SH3RF3: variants seen among roughly 807,000 people sequenced by gnomAD.
SH3RF3 encodes the protein SH3 domain containing ring finger 3, also known as E3 ubiquitin-protein ligase SH3RF3.
Under a neutral mutation model 66.3 loss-of-function variants are expected in SH3RF3, and 29 were observed. That is an observed-to-expected ratio of 0.44 (90% CI 0.33 to 0.60). The LOEUF (loss-of-function observed/expected upper bound fraction) is 0.60. Ranked by LOEUF, SH3RF3 falls within the 20% of genes least tolerant of loss-of-function variation. SH3RF3 has a pLI of 0.04. For synonymous variants in SH3RF3, 583 were observed against 532.0 expected, an observed-to-expected ratio of 1.10 and a Z score of -1.32; for missense variants, 1,194 against 1,190.9, an observed-to-expected ratio of 1.00 and a Z score of -0.04.
rs1679151425 is a variant in SH3RF3, at chr2:109,218,405, CTT to C, written c.573+88294_573+88295del. On this transcript the variant is annotated intron_variant, in intron 1 of 9. Transcript: ENST00000309415. ...CTGGATGAAATGTTCTAGAAACAGT[CTT>C]TGAGTGAAAATGTTATGCTTAACAA... 4.6e-5 allele frequency among the ~76,000 whole-genome samples: 7 copies of C among 152,136 alleles called. No homozygotes were observed. The South Asian group carries it at 1.5e-3, about 32-fold the overall frequency.
At chr2:109,325,220 A>G (rs900657023) in intron 1 of SH3RF3, among the ~76,000 whole-genome samples, 1 of 151,560 alleles carries the variant, frequency 6.6e-6, no homozygotes, top group Non-Finnish European at 1.5e-5. Context: ...TCCAGCTGGC[A>G]TGGCTGGAGT....
At position 109,427,071 on chromosome 2, in the gene SH3RF3, C is replaced by T. The variant is rs955373300; in HGVS notation, c.1404-5430C>T. ...GGAACCTTCGCCTCCTGGGTTCAAG[C>T]GATTCTCTGGCCCTAGCCTCCCTAG... On this transcript the variant is annotated intron_variant, in intron 5 of 9. Transcript: ENST00000309415. 9.2e-5 allele frequency among the ~76,000 whole-genome samples: 14 copies of T among 152,226 alleles called. No individual in the cohort carries two copies. The East Asian group carries it at 1.9e-3, about 21-fold the overall frequency.
chr2:109,245,190 C>T (rs944637531), intron 1 of SH3RF3, among the ~76,000 whole-genome samples: 1 of 152,274 alleles, frequency 6.6e-6, no homozygotes, highest in Admixed American at 6.5e-5. Flanking sequence ...GGCTTCTGTG[C>T]TCCTGGTGAA....
chr2:109,130,212 G>C, intron 1 of SH3RF3, 99 bp downstream of exon 1: 1 of 1,141,730 alleles, frequency 8.8e-7, no homozygotes, highest in Non-Finnish European at 1.1e-6. Flanking sequence ...GGAGACCACG[G>C]GTGGTCCTGC....
chr2:109,385,816 A>G (rs986865750), intron 3 of SH3RF3, among the ~76,000 whole-genome samples: 1 of 152,256 alleles, frequency 6.6e-6, no homozygotes, highest in African/African-American at 2.4e-5. Context: ...CCAGAAACAA[A>G]AAAAATAAAC....
chr2:109,272,515 A>G (rs1680650311), intron 1 of SH3RF3, among the ~76,000 whole-genome samples: 1 of 152,180 alleles, frequency 6.6e-6, no homozygotes, highest in Non-Finnish European at 1.5e-5. Flanking sequence ...TGCTGCACTC[A>G]CAGGGGCCGA....
intron 1 of SH3RF3, among the ~76,000 whole-genome samples, chr2:109,274,919 A>G (rs1353065010): frequency 6.6e-6 from 1 of 151,778 alleles, no homozygotes; most frequent in East Asian, 1.9e-4. Flanking sequence ...AACATTGTGA[A>G]TGTAGTAAAT....
chr2:109,215,307 A>G (rs977893633), intron 1 of SH3RF3, among the ~76,000 whole-genome samples: 5 of 152,230 alleles, frequency 3.3e-5, no homozygotes, highest in African/African-American at 9.6e-5. Flanking sequence ...ATAAGTCTTC[A>G]TTATACAATT....
intron 4 of SH3RF3, among the ~76,000 whole-genome samples, chr2:109,418,828 C>T (rs1676794402): frequency 6.6e-6 from 1 of 152,178 alleles, no homozygotes; most frequent in South Asian, 2.1e-4. Flanking sequence ...CAAGCTGGGT[C>T]GTAGGGGGAC....
rs150289383 is a variant in SH3RF3 at position 109,497,193 on chromosome 2, T to C, written c.2481-4310T>C. On this transcript the variant is annotated intron_variant, in intron 9 of 9. Coordinates refer to ENST00000309415, the MANE Select transcript of SH3RF3 (RefSeq NM_001099289.3). Reference sequence around the variant, plus strand: ...TAAACAACTAATATGTGTGTTGATATTACAGTTTAGTGTCCAGGGTATAGA... The same window carrying C: ...TAAACAACTAATATGTGTGTTGATACTACAGTTTAGTGTCCAGGGTATAGA... 1.3e-4 allele frequency among the ~76,000 whole-genome samples: 20 copies of C among 152,328 alleles called. No homozygotes were observed. The East Asian group carries it at 3.9e-3, about 29-fold the overall frequency.
intron 1 of SH3RF3, among the ~76,000 whole-genome samples, chr2:109,337,212 T>C (rs572029609): frequency 3.1e-4 from 47 of 152,292 alleles, no homozygotes; most frequent in African/African-American, 1.1e-3. Flanking sequence ...TTTAAAGATT[T>C]GTAAAAGCCT....
At chr2:109,488,504 CT>C (rs974887173) in intron 8 of SH3RF3, among the ~76,000 whole-genome samples, 11 of 152,326 alleles carry the variant, frequency 7.2e-5, no homozygotes, top group African/African-American at 2.4e-4. Context: ...ATCCCCAGGC[CT>C]TATGCCCTGC....
chr2:109,138,169 C>T (rs1676856774), intron 1 of SH3RF3, among the ~76,000 whole-genome samples: 1 of 152,174 alleles, frequency 6.6e-6, no homozygotes, highest in Non-Finnish European at 1.5e-5. Flanking sequence ...GCGAGCACCA[C>T]CACGCCCGGC....
At chr2:109,324,899 T>C (rs1430540692) in intron 1 of SH3RF3, among the ~76,000 whole-genome samples, 1 of 152,214 alleles carries the variant, frequency 6.6e-6, no homozygotes, top group Admixed American at 6.5e-5. Flanking sequence ...ACGGTGGAGC[T>C]GTCGCTTCCC....
intron 8 of SH3RF3, among the ~76,000 whole-genome samples, chr2:109,469,460 C>T (rs1429280320): frequency 6.6e-6 from 1 of 152,176 alleles, no homozygotes; most frequent in East Asian, 1.9e-4. Context: ...ACAGTAATGC[C>T]TGTTGTGCAG....
intron 9 of SH3RF3, among the ~76,000 whole-genome samples, chr2:109,493,884 CCTT>C (rs1679192233): frequency 6.6e-6 from 1 of 152,270 alleles, no homozygotes; most frequent in South Asian, 2.1e-4. Flanking sequence ...CACACACCCA[CCTT>C]CTCTTTCCTT....
At chr2:109,458,943 A>G (rs1314010754) in intron 8 of SH3RF3, among the ~76,000 whole-genome samples, 1 of 152,146 alleles carries the variant, frequency 6.6e-6, no homozygotes, top group East Asian at 1.9e-4. Context: ...ACTCACCATC[A>G]CCGTCCATCC....
chr2:109,169,417 G>T (rs1221288137), intron 1 of SH3RF3, among the ~76,000 whole-genome samples: 1 of 152,096 alleles, frequency 6.6e-6, no homozygotes, highest in Non-Finnish European at 1.5e-5. Flanking sequence ...TGCTGTGCTG[G>T]TGAAGAACAC....
In SH3RF3 at chr2:109,177,937, A is replaced by C. The variant is rs138637953; in HGVS notation, c.573+47824A>C. On this transcript the variant is annotated intron_variant, in intron 1 of 9. Coordinates refer to ENST00000309415, the MANE Select transcript of SH3RF3 (RefSeq NM_001099289.3). ...CATTAAACTGGAAGTTTCTAGCAGG[A>C]GTCTCATTTGATTTGCCAACATGTT... is the stretch of plus-strand genomic sequence containing the variant. 4.6e-3 allele frequency among the ~76,000 whole-genome samples: 706 copies of C among 152,338 alleles called. 2 individuals are homozygous for C. The highest frequency in any genetic ancestry group is 7.5e-3 in the Non-Finnish European group (508 of 68,040).
Sources: gnomAD v4.1 joint callset for allele counts (sites outside exome capture counted in the v4.1 genomes callset) on GRCh38, gnomAD v4.1.1 for gene constraint, MANE v1.5 for transcripts, NCBI Gene and HGNC (gene_info 2026-07-23, HGNC 2026-07-21) for gene names.